Variants in FRY observed in about 807,000 individuals in gnomAD.
FRY encodes FRY microtubule binding protein.
A neutral mutation model predicts 348.4 loss-of-function variants in FRY; 128 were observed. That is an observed-to-expected ratio of 0.37 (90% CI 0.32 to 0.43). FRY has a LOEUF of 0.43. FRY is among the 20% of genes least tolerant of loss of function. The pLI is 1.00. For synonymous variants in FRY, 1,370 were observed against 1,374.7 expected, an observed-to-expected ratio of 1.00 and a Z score of 0.08; for missense variants, 2,736 against 3,695.2, an observed-to-expected ratio of 0.74 and a Z score of 6.73.
At chr13:32,121,349 T>A (rs1347389737) in intron 4 of FRY, among the ~76,000 whole-genome samples, 1 of 152,244 alleles carries the variant, frequency 6.6e-6, no homozygotes, top group African/African-American at 2.4e-5. Context: ...ATCTCCACAC[T>A]GTTTTCCATA....
At chr13:32,212,266 T>G in intron 34 of FRY, 26 bp from the exon 35 acceptor site, 1 of 1,349,756 alleles carries the variant, frequency 7.4e-7, no homozygotes, top group Non-Finnish European at 1.1e-6. Flanking sequence ...TTTTTATAAG[T>G]GTTTTTCTTC....
At chr13:32,159,717 C>T (rs201174433) in intron 16 of FRY, among the ~76,000 whole-genome samples, 18 of 152,034 alleles carry the variant, frequency 1.2e-4, no homozygotes, top group East Asian at 9.6e-4. Flanking sequence ...ATCCATTTTC[C>T]GACAGATATA....
In FRY at chr13:32,130,990, A is replaced by AT. The variant is rs539544753; in HGVS notation, c.717-676dup. ...GCCACCACACCTGGCTAATTTTTGT[A>AT]TTTTTTGTAGAGATGGGGCTTCATC... On this transcript the variant is annotated intron_variant, in intron 7 of 60. Coordinates refer to ENST00000542859, the MANE Select transcript of FRY (RefSeq NM_023037.3). Among the ~76,000 whole-genome samples the AT allele has an allele frequency of 2.4e-3, 366 of 151,810 alleles. 3 individuals are homozygous for AT. Among genetic ancestry groups the AT allele is most frequent in the African/African-American group, 8.3e-3 (342 of 41,392 alleles).
chr13:32,198,872 A>G (rs951876490), intron 29 of FRY, among the ~76,000 whole-genome samples: 1 of 152,196 alleles, frequency 6.6e-6, no homozygotes, highest in African/African-American at 2.4e-5. Context: ...GGATGGCAAT[A>G]TATCAGTATG....
At chr13:32,068,984 C>T (rs1424080375) in intron 1 of FRY, among the ~76,000 whole-genome samples, 4 of 143,914 alleles carry the variant, frequency 2.8e-5, no homozygotes, top group Non-Finnish European at 4.5e-5. Flanking sequence ...GGCCTGTTCT[C>T]GGCTCACTGC....
chr13:32,255,225 C>G (rs761493205), intron 51 of FRY, among the ~76,000 whole-genome samples: 7 of 152,000 alleles, frequency 4.6e-5, no homozygotes, highest in Non-Finnish European at 8.8e-5. Context: ...ATGGTGTTGT[C>G]AAGCTCATGT....
chr13:32,295,195 A>C lies in FRY; in HGVS notation c.8784-7A>C. On this transcript the variant is annotated splice_region_variant and splice_polypyrimidine_tract_variant and intron_variant, in intron 60 of 60. Transcript: ENST00000542859. ...CCTCTAATCTGTGCTGTTCTTTTTG[A>C]CTGCAGAAGTCTGTGGCCCAATGAC... 6.2e-7 allele frequency: 1 copy of C among 1,613,712 alleles called. No individual in the cohort carries two copies. The highest frequency in any genetic ancestry group is 8.5e-7 in the Non-Finnish European group (1 of 1,179,798).
At position 32,145,531 on chromosome 13, in the gene FRY, T is replaced by TTGTTTTTTG. The variant is rs545666974; in HGVS notation, c.1180-1750_1180-1749insGTTTTTTGT. Reference sequence around the variant, plus strand: ...CTCCCCTCTCTGACTGATTTGTTTTTTTTTTTTTTTTTTTTTTTTTTTTTG... The same window carrying TTGTTTTTTG: ...CTCCCCTCTCTGACTGATTTGTTTTTTGTTTTTTGTTTTTTTTTTTTTTTTTTTTTTTTG... On this transcript the variant is annotated intron_variant, in intron 11 of 60. Coordinates refer to ENST00000542859, the MANE Select transcript of FRY (RefSeq NM_023037.3). Among the ~76,000 whole-genome samples, 2 of 79,014 alleles carry TTGTTTTTTG rather than the reference T, an allele frequency of 2.5e-5. 1 individual carries two copies. Among genetic ancestry groups the TTGTTTTTTG allele is most frequent in the Non-Finnish European group, 5.7e-5 (2 of 35,054 alleles). The allele number at this position is 79,014 out of a possible 152,430, so 51.8% of individuals were successfully genotyped here. A position where few individuals can be genotyped will look rare whatever the true frequency, so the allele number is the denominator to read the frequency against.
intron 36 of FRY, among the ~76,000 whole-genome samples, chr13:32,221,918 TGAACA>T (rs960398001): frequency 1.0e-3 from 152 of 152,178 alleles, no homozygotes; most frequent in African/African-American, 3.6e-3. Flanking sequence ...GAGAAAACAA[TGAACA>T]GAACAGAAGA....
chr13:32,139,899 T>C (rs1879953208), intron 11 of FRY, among the ~76,000 whole-genome samples: 1 of 152,104 alleles, frequency 6.6e-6, no homozygotes, highest in Non-Finnish European at 1.5e-5. Flanking sequence ...TTAATAGTAC[T>C]TTTAAAATGT....
At chr13:32,253,587 A>G (rs1887189529) in intron 50 of FRY, among the ~76,000 whole-genome samples, 1 of 152,230 alleles carries the variant, frequency 6.6e-6, no homozygotes, top group Admixed American at 6.5e-5. Flanking sequence ...AGTTAATCTT[A>G]AAACATTAAC....
At chr13:32,096,333 A>G (rs1036016324) in intron 2 of FRY, among the ~76,000 whole-genome samples, 23 of 151,922 alleles carry the variant, frequency 1.5e-4, no homozygotes, top group Admixed American at 5.9e-4. Context: ...TACTAGGGGT[A>G]TGGAGGAGAC....
At chr13:32,244,492 A>C (rs1886675068) in intron 47 of FRY, among the ~76,000 whole-genome samples, 1 of 152,140 alleles carries the variant, frequency 6.6e-6, no homozygotes, top group South Asian at 2.1e-4. Flanking sequence ...TGGTTTTTTT[A>C]TCCCGTTTCA....
chr13:32,170,468 A>G (rs1881994805), intron 17 of FRY, among the ~76,000 whole-genome samples: 1 of 152,176 alleles, frequency 6.6e-6, no homozygotes, highest in South Asian at 2.1e-4. Context: ...GAAGAACGCT[A>G]TATCGGAAAA....
intron 1 of FRY, chr13:32,060,764 A>T (rs952675779): frequency 5.1e-6 from 1 of 196,952 alleles, no homozygotes; most frequent in Non-Finnish European, 1.1e-5. Flanking sequence ...CAGCTTTACT[A>T]ATCTGTCAGT....
chr13:32,251,106 C>T (rs1185526862), intron 49 of FRY, among the ~76,000 whole-genome samples: 2 of 152,080 alleles, frequency 1.3e-5, no homozygotes, highest in African/African-American at 4.8e-5. Flanking sequence ...CATAACAAAC[C>T]GTAAATCAGA....
chr13:32,071,429 A>T (rs537315821), intron 1 of FRY, among the ~76,000 whole-genome samples: 30 of 152,280 alleles, frequency 2.0e-4, no homozygotes, highest in African/African-American at 7.2e-4. Flanking sequence ...GGTCCTTCAC[A>T]TCCCTTGTAA....
At chr13:32,182,780 A>T (rs185093164) in intron 23 of FRY, among the ~76,000 whole-genome samples, 197 bp from the exon 24 acceptor site, 1 of 152,232 alleles carries the variant, frequency 6.6e-6, no homozygotes, top group African/African-American at 2.4e-5. Context: ...TGGAATTAAG[A>T]CCAGTAATAC....
chr13:32,075,266 C>T (rs560288387), intron 1 of FRY, among the ~76,000 whole-genome samples: 1 of 152,052 alleles, frequency 6.6e-6, no homozygotes, highest in East Asian at 1.9e-4. Context: ...CCTTTTTTAC[C>T]TTTCTGTGAG....
Sources: allele counts gnomAD v4.1 joint callset (sites outside exome capture counted in the v4.1 genomes callset), GRCh38; gene constraint gnomAD v4.1.1; transcripts MANE v1.5; gene names NCBI Gene and HGNC (gene_info 2026-07-23, HGNC 2026-07-21).